ATP6V1H: variants seen among roughly 807,000 people sequenced by gnomAD.
The protein encoded by ATP6V1H is V-type proton ATPase subunit H.
Under a neutral mutation model 71.7 loss-of-function variants are expected in ATP6V1H, and 39 were observed. That is an observed-to-expected ratio of 0.54 (90% CI 0.42 to 0.71). ATP6V1H has a LOEUF of 0.71. ATP6V1H is among the 30% of genes least tolerant of loss of function. ATP6V1H has a pLI of 0.00. For missense variants in ATP6V1H, 509 were observed against 594.9 expected (o/e 0.86, Z 1.50); for synonymous variants, 192 against 199.3 (o/e 0.96, Z 0.31).
intron 9 of ATP6V1H, 23 bp from the exon 10 acceptor site, chr8:53,772,190 G>T: frequency 6.4e-7 from 1 of 1,570,752 alleles, no homozygotes. Context: ...AAGTGATAGT[G>T]AGAAACTATA....
intron 13 of ATP6V1H, among the ~76,000 whole-genome samples, chr8:53,742,989 C>A (rs1208856139): frequency 6.6e-6 from 1 of 152,190 alleles, no homozygotes; most frequent in Non-Finnish European, 1.5e-5. Flanking sequence ...CTATTATGTA[C>A]ACAAAGGGCT....
At chr8:53,772,812 G>A (rs1808713195) in intron 9 of ATP6V1H, among the ~76,000 whole-genome samples, 1 of 147,840 alleles carries the variant, frequency 6.8e-6, no homozygotes, top group Non-Finnish European at 1.5e-5. Context: ...TAAGGACCAG[G>A]CTAAACTCTT....
intron 13 of ATP6V1H, among the ~76,000 whole-genome samples, chr8:53,727,333 C>T (rs1806847647): frequency 6.6e-6 from 1 of 152,208 alleles, no homozygotes; most frequent in South Asian, 2.1e-4. Flanking sequence ...TTTTCCTTTC[C>T]TTCCCTAACA....
At chr8:53,818,532 T>C (rs1051607172) in intron 4 of ATP6V1H, among the ~76,000 whole-genome samples, 1 of 152,170 alleles carries the variant, frequency 6.6e-6, no homozygotes, top group Non-Finnish European at 1.5e-5. Flanking sequence ...AGAATAACAA[T>C]TGAAATAGTT....
At chr8:53,837,183 A>G (rs1041161557) in intron 2 of ATP6V1H, among the ~76,000 whole-genome samples, 2 of 152,102 alleles carry the variant, frequency 1.3e-5, no homozygotes, top group African/African-American at 4.8e-5. Context: ...AGAAAAACCT[A>G]TGTCACTGTA....
At chr8:53,775,260 T>C (rs1166143976) in intron 9 of ATP6V1H, among the ~76,000 whole-genome samples, 1 of 152,086 alleles carries the variant, frequency 6.6e-6, no homozygotes, top group Non-Finnish European at 1.5e-5. Flanking sequence ...ACCTCCACGG[T>C]ATTACAGCTC....
chr8:53,756,684 T>C (rs774294623), intron 11 of ATP6V1H, 28 bp from the exon 12 acceptor site: 7 of 1,543,070 alleles, frequency 4.5e-6, no homozygotes, highest in South Asian at 1.1e-5. Context: ...CAAAGAGAGA[T>C]CAAGTTCTAA....
At chr8:53,744,085 T>C (rs1023928799) in intron 12 of ATP6V1H, among the ~76,000 whole-genome samples, 2 of 152,124 alleles carry the variant, frequency 1.3e-5, no homozygotes, top group Admixed American at 6.5e-5. Context: ...ATACAATCAA[T>C]ATCAAGCCCA....
At chr8:53,775,715 C>A (rs957411418) in intron 9 of ATP6V1H, among the ~76,000 whole-genome samples, 1 of 151,872 alleles carries the variant, frequency 6.6e-6, no homozygotes, top group Non-Finnish European at 1.5e-5. Context: ...TACAGAGTGT[C>A]GATTGGTGCA....
chr8:53,794,156 A>G (rs1439129804), intron 9 of ATP6V1H, among the ~76,000 whole-genome samples: 2 of 152,236 alleles, frequency 1.3e-5, no homozygotes, highest in Non-Finnish European at 1.5e-5. Context: ...ATCCACATAT[A>G]CAGAAATGAA....
intron 13 of ATP6V1H, among the ~76,000 whole-genome samples, chr8:53,718,113 A>T (rs12674661): frequency 0.11 from 17,411 of 152,252 alleles, 1,259 homozygotes; most frequent in South Asian, 0.23. Flanking sequence ...CACCTGCTCC[A>T]TCCCTTCCAG....
Position 53,743,656 on chromosome 8 carries a change from T to C in ATP6V1H, c.1312A>G (p.Met438Val), listed in dbSNP as rs754985818. The change falls in exon 13 of 14, where the codon ATG becomes GTG. Residue 438 changes from methionine to valine, a missense_variant. Coordinates refer to ENST00000359530, the MANE Select transcript of ATP6V1H (RefSeq NM_015941.4). Reference protein sequence around the residue: ...IEQLGGKQLVMNHMHHEDQQV... With the variant: ...IEQLGGKQLVVNHMHHEDQQV... Reference sequence around the variant, plus strand: ...TGGTCTTCATGATGCATGTGGTTCATGACCAGCTGCTTCCCACCGAGCTGC... The same window carrying C: ...TGGTCTTCATGATGCATGTGGTTCACGACCAGCTGCTTCCCACCGAGCTGC... The C allele has an allele frequency of 1.1e-5, 18 of 1,613,402 alleles. No homozygotes were observed. Among genetic ancestry groups the C allele is most frequent in the Admixed American group, 1.7e-5 (1 of 60,010 alleles).
At chr8:53,810,876 C>G (rs1585813210) in intron 7 of ATP6V1H, among the ~76,000 whole-genome samples, 1 of 152,262 alleles carries the variant, frequency 6.6e-6, no homozygotes, top group East Asian at 1.9e-4. Context: ...TGATTATTTG[C>G]TCCAGTTGTG....
intron 9 of ATP6V1H, among the ~76,000 whole-genome samples, chr8:53,792,082 A>T (rs1174235432): frequency 6.6e-6 from 1 of 152,240 alleles, no homozygotes; most frequent in Non-Finnish European, 1.5e-5. Context: ...TCATTAATAC[A>T]ACCTACTTTG....
intron 11 of ATP6V1H, among the ~76,000 whole-genome samples, chr8:53,767,176 G>C (rs140734165): frequency 2.0e-5 from 3 of 152,278 alleles, no homozygotes; most frequent in East Asian, 3.9e-4. Context: ...GTGATTTTCG[G>C]GGCAGGTTCC....
intron 9 of ATP6V1H, among the ~76,000 whole-genome samples, chr8:53,786,324 G>C (rs951625646): frequency 6.6e-6 from 1 of 152,226 alleles, no homozygotes; most frequent in African/African-American, 2.4e-5. Context: ...CGTGGGCACA[G>C]GATCCTCCGA....
chr8:53,796,250 A>C (rs954539568), intron 8 of ATP6V1H, among the ~76,000 whole-genome samples: 1 of 152,236 alleles, frequency 6.6e-6, no homozygotes, highest in East Asian at 1.9e-4. Flanking sequence ...CTTGGTGAAA[A>C]CCTGTGATGG....
chr8:53,805,118 A>T (rs1202430282), intron 7 of ATP6V1H, among the ~76,000 whole-genome samples: 1 of 152,254 alleles, frequency 6.6e-6, no homozygotes, highest in Non-Finnish European at 1.5e-5. Context: ...AATGTTTACA[A>T]ATTTTCAATA....
intron 13 of ATP6V1H, among the ~76,000 whole-genome samples, chr8:53,737,198 AG>A (rs1339603717): frequency 1.3e-5 from 2 of 152,244 alleles, no homozygotes; most frequent in Non-Finnish European, 2.9e-5. Context: ...CTAGTATCTA[AG>A]GGGTTTTGTC....
Sources: allele counts gnomAD v4.1 joint callset (sites outside exome capture counted in the v4.1 genomes callset), GRCh38; gene constraint gnomAD v4.1.1; transcripts MANE v1.5; gene names NCBI Gene and HGNC (gene_info 2026-07-23, HGNC 2026-07-21).